Variants in SLCO2A1 observed in about 807,000 individuals in gnomAD.
SLCO2A1 encodes solute carrier organic anion transporter family member 2A1, also known as matrin F/G 1.
Under a neutral mutation model 71.7 loss-of-function variants are expected in SLCO2A1, and 60 were observed. The observed-to-expected ratio is 0.84, with a 90% confidence interval of 0.68 to 1.04. The LOEUF (loss-of-function observed/expected upper bound fraction) is 1.04, where lower values mean the gene tolerates loss of function less well. SLCO2A1 is among the 50% of genes least tolerant of loss of function. The pLI, the probability that SLCO2A1 is intolerant of heterozygous loss-of-function variation, is 0.00. For missense variants in SLCO2A1, 745 were observed against 813.4 expected (o/e 0.92, Z 1.02); for synonymous variants, 308 against 326.7 (o/e 0.94, Z 0.62).
chr3:133,968,500 C>A (rs1934243365), intron 3 of SLCO2A1, among the ~76,000 whole-genome samples: 1 of 152,174 alleles, frequency 6.6e-6, no homozygotes, highest in East Asian at 1.9e-4. Context: ...ATATGCAAGC[C>A]CAGGTTGGGG....
At chr3:133,944,750 G>A (rs1933519232) in intron 10 of SLCO2A1, among the ~76,000 whole-genome samples, 1 of 152,270 alleles carries the variant, frequency 6.6e-6, no homozygotes, top group African/African-American at 2.4e-5. Flanking sequence ...CCAGCCTGCA[G>A]GACCCAGAGA....
At chr3:133,966,800 C>G (rs1934188888) in intron 3 of SLCO2A1, among the ~76,000 whole-genome samples, 1 of 152,236 alleles carries the variant, frequency 6.6e-6, no homozygotes, top group South Asian at 2.1e-4. Context: ...CCTGTGCACA[C>G]AGTCAGTGTC....
chr3:133,968,611 G>T (rs531688634), intron 3 of SLCO2A1, among the ~76,000 whole-genome samples: 2 of 152,206 alleles, frequency 1.3e-5, no homozygotes, highest in Non-Finnish European at 2.9e-5. Flanking sequence ...TTAACCTCCA[G>T]GAAGCTTCCT....
At chr3:133,996,569 C>T (rs1559951543) in intron 1 of SLCO2A1, among the ~76,000 whole-genome samples, 1 of 152,164 alleles carries the variant, frequency 6.6e-6, no homozygotes, top group East Asian at 1.9e-4. Flanking sequence ...GGCGGCGGCT[C>T]CCCTGCAACA....
chr3:133,978,472 G>C (rs778845401), intron 2 of SLCO2A1, among the ~76,000 whole-genome samples: 2 of 152,120 alleles, frequency 1.3e-5, no homozygotes, highest in Non-Finnish European at 2.9e-5. Flanking sequence ...ATCAAGGAAG[G>C]GGGAGGGGTG....
At chr3:133,961,025 C>G (rs555799601) in intron 3 of SLCO2A1, among the ~76,000 whole-genome samples, 1 of 152,052 alleles carries the variant, frequency 6.6e-6, no homozygotes, top group East Asian at 1.9e-4. Flanking sequence ...CAGGGTGAGG[C>G]CTGGCTGCCC....
chr3:134,008,299 T>A (rs970045402), intron 1 of SLCO2A1, among the ~76,000 whole-genome samples: 1 of 152,218 alleles, frequency 6.6e-6, no homozygotes, highest in Non-Finnish European at 1.5e-5. Flanking sequence ...TCTATCTCAC[T>A]CATATGGGCA....
chr3:133,998,258 G>A (rs9872502), intron 1 of SLCO2A1, among the ~76,000 whole-genome samples: 6,145 of 152,238 alleles, frequency 0.04, 196 homozygotes, highest in South Asian at 0.11. Flanking sequence ...AGGTGACTTA[G>A]GAAGCAGTCA....
At chr3:133,952,046 C>A (rs77720597) in intron 5 of SLCO2A1, among the ~76,000 whole-genome samples, 6,747 of 152,278 alleles carry the variant, frequency 0.044, 493 homozygotes, top group African/African-American at 0.15. Context: ...TGTAAAGAAA[C>A]TATCCGGGCA....
chr3:133,986,067 G>T (rs953290153), intron 1 of SLCO2A1, among the ~76,000 whole-genome samples: 4 of 152,030 alleles, frequency 2.6e-5, no homozygotes, highest in African/African-American at 7.2e-5. Context: ...ATTTTGTGGT[G>T]GTATTTATAC....
At position 133,973,728 on chromosome 3, in the gene SLCO2A1, C is replaced by T. The variant is rs772154759; in HGVS notation, c.332G>A (p.Gly111Asp). The stretch of plus-strand genomic sequence containing the variant: ...GTGTGGGAGGGTGAGGATGAAGGCA[C>T]CTGCAGCCAGGAAGAGACCTCCGAT... ...IGIGGLFLAA[G>D]AFILTLPHFL... Residue 111 changes from glycine to aspartate, a missense_variant, in exon 3 of 14, where the codon GGT (glycine) becomes GAT (aspartate). Coordinates refer to ENST00000310926, the MANE Select transcript of SLCO2A1 (RefSeq NM_005630.3). 6.2e-6 allele frequency: 10 copies of T among 1,613,966 alleles called. No individual in the cohort carries two copies. In the Admixed American group the frequency reaches 6.7e-5, roughly 11 times the overall value.
chr3:133,939,962 CTTTTT>C (rs752743899), intron 11 of SLCO2A1, among the ~76,000 whole-genome samples: 2 of 106,354 alleles, frequency 1.9e-5, no homozygotes, highest in African/African-American at 3.5e-5. Context: ...ACAAAGTCAT[CTTTTT>C]TTTTTTTTTT....
intron 1 of SLCO2A1, among the ~76,000 whole-genome samples, chr3:133,986,500 T>G (rs939387129): frequency 6.6e-5 from 10 of 152,158 alleles, no homozygotes; most frequent in Non-Finnish European, 1.3e-4. Context: ...ACGAGCAACA[T>G]TCTTGCAGGG....
chr3:133,986,003 T>C (rs1255466930), intron 1 of SLCO2A1, among the ~76,000 whole-genome samples: 1 of 152,272 alleles, frequency 6.6e-6, no homozygotes, highest in Non-Finnish European at 1.5e-5. Flanking sequence ...GAAATAAGAT[T>C]TGCAGCCATG....
At chr3:133,998,054 GCCGCCTCCTGCT>G (rs1339743456) in intron 1 of SLCO2A1, among the ~76,000 whole-genome samples, 1 of 152,152 alleles carries the variant, frequency 6.6e-6, no homozygotes, top group African/African-American at 2.4e-5. Context: ...TTCAGCAAGA[GCCGCCTCCTGCT>G]CTATACAGGC....
Position 133,967,221 on chromosome 3 carries a change from T to C in SLCO2A1, c.397+6442A>G, listed in dbSNP as rs1425131048. Among the ~76,000 whole-genome samples, 8 of 152,330 alleles carry C rather than the reference T, an allele frequency of 5.3e-5. No homozygotes were observed. In the East Asian group the frequency reaches 1.5e-3, roughly 29 times the overall value. On this transcript the variant is annotated intron_variant, in intron 3 of 13. Coordinates refer to ENST00000310926, the MANE Select transcript of SLCO2A1 (RefSeq NM_005630.3). ...TCAGGCATGCCTGAGGGTCCACACT[T>C]AGGTCTCCACCAGGCCTGTGCTAGA...
At chr3:133,953,124 C>A (rs1218885859) in intron 5 of SLCO2A1, among the ~76,000 whole-genome samples, 1 of 152,008 alleles carries the variant, frequency 6.6e-6, no homozygotes, top group East Asian at 1.9e-4. Context: ...GCAAGCTCTG[C>A]CTCCCAGGTT....
At chr3:133,951,115 A>ACATGCTG in intron 6 of SLCO2A1, 93 bp downstream of exon 6, 1 of 1,543,412 alleles carries the variant, frequency 6.5e-7, no homozygotes, top group South Asian at 1.1e-5. Flanking sequence ...AATTTGCTTA[A>ACATGCTG]CATGCTGCAG....
rs980421551 is a variant in SLCO2A1, at chr3:133,933,051, CAT to C, written c.*1660_*1661del. 2 of 152,564 alleles carry C rather than the reference CAT, an allele frequency of 1.3e-5. No homozygotes were observed. Among genetic ancestry groups the C allele is most frequent in the Non-Finnish European group, 2.9e-5 (2 of 68,038 alleles). 9.5% of individuals were successfully genotyped at this position (152,564 alleles called of 1,614,324 possible). On this transcript the variant is annotated 3_prime_UTR_variant, in exon 14 of 14. Coordinates refer to ENST00000310926, the MANE Select transcript of SLCO2A1 (RefSeq NM_005630.3). The stretch of plus-strand genomic sequence containing the variant: ...GCATTGGACTTTGTTTGGACATTGA[CAT>C]AAATATTTTGGCATATCACCATATG...
Sources: allele counts gnomAD v4.1 joint callset (sites outside exome capture counted in the v4.1 genomes callset), GRCh38; gene constraint gnomAD v4.1.1; transcripts MANE v1.5; gene names NCBI Gene and HGNC (gene_info 2026-07-23, HGNC 2026-07-21).